Variants in CNTNAP2 observed in about 807,000 individuals in gnomAD.
CNTNAP2 encodes the protein contactin associated protein 2.
CNTNAP2 carries 98 observed loss-of-function variants against 155.2 expected under a neutral mutation model. The ratio of observed to expected loss-of-function variants is 0.63; its 90% confidence interval spans 0.54 to 0.75. The LOEUF is 0.75. Among genes scored for constraint, CNTNAP2 ranks in the 30% least tolerant of loss-of-function variants. The pLI, the probability that CNTNAP2 is intolerant of heterozygous loss-of-function variation, is 0.00. For missense variants in CNTNAP2, 1,727 were observed against 1,688.1 expected (o/e 1.02, Z -0.40); for synonymous variants, 651 against 631.2 (o/e 1.03, Z -0.47).
intron 1 of CNTNAP2, among the ~76,000 whole-genome samples, chr7:146,621,398 G>T (rs921327483): frequency 5.9e-5 from 9 of 151,982 alleles, no homozygotes; most frequent in African/African-American, 1.2e-4. Context: ...TTAGTCCTTG[G>T]CTTTCTTTTT....
intron 21 of CNTNAP2, among the ~76,000 whole-genome samples, chr7:148,309,982 G>A (rs1044973252): frequency 2.0e-5 from 3 of 152,172 alleles, no homozygotes; most frequent in Admixed American, 6.5e-5. Flanking sequence ...CCTAGAGTGG[G>A]AGAGATTAAG....
chr7:148,060,124 T>C (rs533428128), intron 15 of CNTNAP2, among the ~76,000 whole-genome samples: 2 of 152,322 alleles, frequency 1.3e-5, no homozygotes, highest in African/African-American at 4.8e-5. Flanking sequence ...AAGCCATTAA[T>C]TGATCCACTA....
At chr7:146,815,495 T>A (rs891313305) in intron 2 of CNTNAP2, among the ~76,000 whole-genome samples, 3 of 152,150 alleles carry the variant, frequency 2.0e-5, no homozygotes, top group Non-Finnish European at 4.4e-5. Context: ...AAATTGTGTG[T>A]GTGTCTATAT....
chr7:148,173,496 G>A (rs375962752), intron 18 of CNTNAP2, among the ~76,000 whole-genome samples: 8 of 152,300 alleles, frequency 5.3e-5, no homozygotes, highest in Middle Eastern at 3.4e-3. Context: ...ACAGAAGGAG[G>A]AATTGTTCCA....
At chr7:148,299,356 CAG>C (rs1797341521) in intron 21 of CNTNAP2, among the ~76,000 whole-genome samples, 1 of 152,128 alleles carries the variant, frequency 6.6e-6, no homozygotes, top group South Asian at 2.1e-4. Flanking sequence ...GAAAAGGAAA[CAG>C]AGCTGGGAAA....
At chr7:147,096,386 A>G (rs1166852512) in intron 4 of CNTNAP2, among the ~76,000 whole-genome samples, 1 of 152,216 alleles carries the variant, frequency 6.6e-6, no homozygotes, top group Non-Finnish European at 1.5e-5. Flanking sequence ...AGTTACCTCC[A>G]TGTGAATAGG....
chr7:147,297,596 G>A (rs1486326726), intron 8 of CNTNAP2, among the ~76,000 whole-genome samples: 4 of 152,104 alleles, frequency 2.6e-5, no homozygotes, highest in African/African-American at 4.8e-5. Context: ...TAATTCACAC[G>A]AGGCATTCCA....
chr7:148,415,267 C>G (rs1799954222), intron 23 of CNTNAP2, 150 bp from the exon 24 acceptor site: 3 of 845,238 alleles, frequency 3.5e-6, no homozygotes, highest in Admixed American at 4.1e-5. Context: ...AAACAGACAT[C>G]TTACTTCATT....
At chr7:146,251,591 A>G (rs1799758057) in intron 1 of CNTNAP2, among the ~76,000 whole-genome samples, 1 of 152,228 alleles carries the variant, frequency 6.6e-6, no homozygotes, top group African/African-American at 2.4e-5. Context: ...CTCATAACAC[A>G]TGATAGATGC....
chr7:148,164,364 C>T (rs1805608607), intron 17 of CNTNAP2, among the ~76,000 whole-genome samples: 1 of 152,230 alleles, frequency 6.6e-6, no homozygotes, highest in South Asian at 2.1e-4. Context: ...TGCCCAAACA[C>T]ATAGCTGCTT....
rs1218381937 is a variant in CNTNAP2, at chr7:146,306,952, T to C, written c.97+189979T>C. ...GGGATGCCCTCTCTCACCACTCCTA[T>C]TCAACATAGTGTTGGAAGTTCTGGC... On this transcript the variant is annotated intron_variant, in intron 1 of 23. Transcript: ENST00000361727. 2.6e-5 allele frequency among the ~76,000 whole-genome samples: 4 copies of C among 152,132 alleles called. No homozygotes were observed. The East Asian group carries it at 7.7e-4, about 29-fold the overall frequency.
At chr7:148,021,554 A>T (rs929061920) in intron 15 of CNTNAP2, among the ~76,000 whole-genome samples, 1 of 152,222 alleles carries the variant, frequency 6.6e-6, no homozygotes, top group Non-Finnish European at 1.5e-5. Context: ...GACTTGTGGG[A>T]GAACGGAAGG....
intron 1 of CNTNAP2, among the ~76,000 whole-genome samples, chr7:146,464,187 G>GTTT (rs369508603): frequency 0.44 from 38,582 of 87,830 alleles, 9,330 homozygotes; most frequent in East Asian, 0.63. Context: ...CTTTGAAACT[G>GTTT]TTTTTTTTTT....
intron 14 of CNTNAP2, among the ~76,000 whole-genome samples, chr7:147,958,201 C>A (rs1801052582): frequency 6.9e-6 from 1 of 144,476 alleles, no homozygotes; most frequent in Non-Finnish European, 1.5e-5. Context: ...GAAGTTAATT[C>A]TTTGCCTGAA....
intron 1 of CNTNAP2, among the ~76,000 whole-genome samples, chr7:146,152,924 T>C (rs555879139): frequency 2.0e-5 from 3 of 152,294 alleles, no homozygotes; most frequent in Non-Finnish European, 2.9e-5. Context: ...TTTTATGATT[T>C]ACTCCCAGAG....
At chr7:147,493,227 G>C (rs1039383280) in intron 11 of CNTNAP2, among the ~76,000 whole-genome samples, 1 of 152,100 alleles carries the variant, frequency 6.6e-6, no homozygotes. Flanking sequence ...AAAGATAAAG[G>C]TTTTTATTAG....
intron 9 of CNTNAP2, among the ~76,000 whole-genome samples, chr7:147,348,537 C>T (rs1351827957): frequency 2.6e-5 from 4 of 151,962 alleles, no homozygotes; most frequent in Non-Finnish European, 5.9e-5. Context: ...CTCTTATATG[C>T]TATTGGTAGG....
intron 21 of CNTNAP2, among the ~76,000 whole-genome samples, chr7:148,320,653 G>A (rs1797775658): frequency 6.6e-6 from 1 of 151,990 alleles, no homozygotes; most frequent in African/African-American, 2.4e-5. Context: ...CAAAGTGCTG[G>A]GATTACAGGC....
At chr7:148,199,990 C>T (rs542641253) in intron 18 of CNTNAP2, among the ~76,000 whole-genome samples, 6 of 152,308 alleles carry the variant, frequency 3.9e-5, no homozygotes, top group South Asian at 2.1e-4. Context: ...CAGAAGAAGA[C>T]GGATGTCCCA....
Sources: gnomAD v4.1 joint callset for allele counts (sites outside exome capture counted in the v4.1 genomes callset) on GRCh38, gnomAD v4.1.1 for gene constraint, MANE v1.5 for transcripts, NCBI Gene and HGNC (gene_info 2026-07-23, HGNC 2026-07-21) for gene names.